APOLD1: variants seen among roughly 807,000 people sequenced by gnomAD.
The protein encoded by APOLD1 is apolipoprotein L domain containing 1, also known as apolipoprotein L domain-containing protein 1.
APOLD1 carries 22 observed loss-of-function variants against 15.3 expected under a neutral mutation model. The observed-to-expected ratio is 1.44, with a 90% CI of 1.03 to 2.05. The LOEUF (loss-of-function observed/expected upper bound fraction) is 2.05, where lower values mean the gene tolerates loss of function less well. Among genes scored for constraint, APOLD1 ranks in the 30% most tolerant of loss-of-function variants. APOLD1 has a pLI of 0.00. For missense variants in APOLD1, 394 were observed against 353.5 expected, an observed-to-expected ratio of 1.11 and a Z score of -0.92; for synonymous variants, 190 against 167.4, an observed-to-expected ratio of 1.13 and a Z score of -1.04.
At chr12:12,751,938 C>T (rs117883191) in intron 1 of APOLD1, among the ~76,000 whole-genome samples, 27 of 151,986 alleles carry the variant, frequency 1.8e-4, no homozygotes, top group Non-Finnish European at 3.1e-4. Context: ...AGGAAGAAGC[C>T]GTAAGTCAAG....
At chr12:12,759,244 G>A (rs1411289344) in intron 1 of APOLD1, among the ~76,000 whole-genome samples, 1 of 152,198 alleles carries the variant, frequency 6.6e-6, no homozygotes, top group East Asian at 1.9e-4. Flanking sequence ...AGAAAGGGGA[G>A]CTGCTATAGT....
chr12:12,766,432 G>T (rs1946943062), intron 1 of APOLD1, among the ~76,000 whole-genome samples: 1 of 152,132 alleles, frequency 6.6e-6, no homozygotes, highest in Non-Finnish European at 1.5e-5. Flanking sequence ...TTGCACAAAG[G>T]ACAAAGAATA....
At chr12:12,734,017 T>C (rs1211547855) in intron 1 of APOLD1, among the ~76,000 whole-genome samples, 2 of 152,192 alleles carry the variant, frequency 1.3e-5, no homozygotes, top group Admixed American at 6.5e-5. Context: ...ACAAGGCATT[T>C]CTTTAATAAT....
At chr12:12,746,342 A>G (rs554597725) in intron 1 of APOLD1, among the ~76,000 whole-genome samples, 4 of 152,248 alleles carry the variant, frequency 2.6e-5, no homozygotes, top group Admixed American at 2.6e-4. Context: ...CATAAAATAC[A>G]AACATTAGCT....
At chr12:12,758,228 G>A (rs892534808) in intron 1 of APOLD1, among the ~76,000 whole-genome samples, 8 of 149,772 alleles carry the variant, frequency 5.3e-5, no homozygotes, top group African/African-American at 1.2e-4. Flanking sequence ...GAACCACCAC[G>A]CCTGAACTAA....
chr12:12,749,647 C>T (rs1009986898), intron 1 of APOLD1, among the ~76,000 whole-genome samples: 2 of 152,304 alleles, frequency 1.3e-5, no homozygotes, highest in African/African-American at 4.8e-5. Context: ...CGCCACCAAT[C>T]AGAGCAACTG....
rs748520075 is a variant in APOLD1, at chr12:12,787,680, G to T, written c.*28G>T. ...ACATCCTTTCCCCCTAATGACCGAG[G>T]CCAGCAAATCATCCTCATGGGATGC... On this transcript the variant is annotated 3_prime_UTR_variant, in exon 2 of 2. Transcript: ENST00000356591. The surrounding 1 kb of genome is among the most constrained non-coding windows in gnomAD (Gnocchi z 4.9). The T allele has an allele frequency of 7.7e-6, 12 of 1,549,880 alleles. No homozygotes were observed. Among genetic ancestry groups the T allele is most frequent in the Non-Finnish European group, 1.0e-5 (12 of 1,153,084 alleles).
At position 12,780,318 on chromosome 12, in the gene APOLD1, C is replaced by T. The variant is rs553773145; in HGVS notation, c.97-6591C>T. Among the ~76,000 whole-genome samples the T allele has an allele frequency of 3.4e-5, 5 of 148,946 alleles. No homozygotes were observed. In the South Asian group the frequency reaches 8.5e-4, roughly 25 times the overall value. On this transcript the variant is annotated intron_variant, in intron 1 of 1. Coordinates refer to the APOLD1 transcript ENST00000326765. The stretch of plus-strand genomic sequence containing the variant: ...GGAGTGCAGTGGTGTGATCTCGGCT[C>T]ACTGCAGCCTCACCTCCCAGGCTCA...
chr12:12,748,119 G>A (rs114932134), intron 1 of APOLD1, among the ~76,000 whole-genome samples: 1,749 of 152,220 alleles, frequency 0.011, 38 homozygotes, highest in African/African-American at 0.04. Flanking sequence ...TTCAATTATA[G>A]GAGGAAAGAA....
Position 12,740,405 on chromosome 12 carries a change from C to T in APOLD1, c.96+14309C>T, listed in dbSNP as rs1376995517. Among the ~76,000 whole-genome samples, 3 of 152,238 alleles carry T rather than the reference C, an allele frequency of 2.0e-5. No individual in the cohort carries two copies. The East Asian group carries it at 5.8e-4, about 29-fold the overall frequency. ...GTGCTGGGATTACAGGCATGAGCCA[C>T]TGTACCCGGCCCTCAGATCTTATTT... is the stretch of plus-strand genomic sequence containing the variant. On this transcript the variant is annotated intron_variant, in intron 1 of 1. Coordinates refer to the APOLD1 transcript ENST00000326765.
At chr12:12,730,553 C>A (rs1431219876) in intron 1 of APOLD1, among the ~76,000 whole-genome samples, 1 of 151,260 alleles carries the variant, frequency 6.6e-6, no homozygotes, top group Non-Finnish European at 1.5e-5. Flanking sequence ...TGGTGGCAGG[C>A]ACCTGTAATC....
chr12:12,771,755 G>T, intron 1 of APOLD1: 1 of 298,720 alleles, frequency 3.3e-6, no homozygotes, highest in South Asian at 3.0e-5. Context: ...TAATGTTCTA[G>T]ATTATATATT....
chr12:12,782,368 C>T (rs1749396974), upstream of APOLD1, among the ~76,000 whole-genome samples: 1 of 152,212 alleles, frequency 6.6e-6, no homozygotes, highest in Admixed American at 6.5e-5. Flanking sequence ...CCAGATCCCA[C>T]TCCAGACCTC....
chr12:12,786,866 G>A lies in APOLD1; in HGVS notation c.4-43G>A, dbSNP rs1169256619. 44 of 1,378,178 alleles carry A rather than the reference G, an allele frequency of 3.2e-5. No homozygotes were observed. The Admixed American group carries it at 1.3e-3, about 42-fold the overall frequency. 85.4% of individuals were successfully genotyped at this position (1,378,178 alleles called of 1,614,324 possible). ...GGGCAGCAGGGCGGGAGCGGCGGCT[G>A]GCACGGAGACTCCAGGCTGACCGCG... is the stretch of plus-strand genomic sequence containing the variant. On this transcript the variant is annotated intron_variant, in intron 1 of 1. Transcript: ENST00000356591.
chr12:12,743,340 G>A (rs550169491), intron 1 of APOLD1, among the ~76,000 whole-genome samples: 35 of 152,128 alleles, frequency 2.3e-4, no homozygotes, highest in African/African-American at 8.2e-4. Context: ...TGATGCCAGC[G>A]TGGGCAACAT....
chr12:12,772,011 A>T (rs1344326426), intron 1 of APOLD1, among the ~76,000 whole-genome samples: 1 of 152,188 alleles, frequency 6.6e-6, no homozygotes, highest in African/African-American at 2.4e-5. Flanking sequence ...TGAGAAAAAA[A>T]TAATTTATAT....
intron 1 of APOLD1, among the ~76,000 whole-genome samples, chr12:12,770,993 A>C (rs1242831957): frequency 1.3e-5 from 2 of 152,150 alleles, no homozygotes; most frequent in African/African-American, 2.4e-5. Context: ...CCAACCTAGA[A>C]TTCTGTACGC....
intron 1 of APOLD1, chr12:12,786,699 G>A (rs1486620901): frequency 2.0e-6 from 2 of 985,258 alleles, no homozygotes; most frequent in East Asian, 2.3e-4. Flanking sequence ...CAGAGATAAG[G>A]TCCTGAGAAC....
At chr12:12,785,240 T>C (rs1268884217), upstream of APOLD1, among the ~76,000 whole-genome samples, 1 of 152,204 alleles carries the variant, frequency 6.6e-6, no homozygotes, top group Non-Finnish European at 1.5e-5. Context: ...CTATGTCAGA[T>C]ATGAGGGTTT....
Sources: gnomAD v4.1 joint callset for allele counts (sites outside exome capture counted in the v4.1 genomes callset) on GRCh38, gnomAD v4.1.1 for gene constraint, Gnocchi (gnomAD v3.1) non-coding constraint, MANE v1.5 for transcripts, NCBI Gene and HGNC (gene_info 2026-07-23, HGNC 2026-07-21) for gene names.